The following BOP1 variants were observed in gnomAD, a reference collection of about 807,000 sequenced individuals.
The protein encoded by BOP1 is BOP1 ribosomal biogenesis factor.
BOP1 carries 54 observed loss-of-function variants against 82.9 expected under a neutral mutation model. That is an observed-to-expected ratio of 0.65 (90% CI 0.52 to 0.82). The LOEUF (loss-of-function observed/expected upper bound fraction) is 0.82. Ranked by LOEUF, BOP1 falls within the 40% of genes least tolerant of loss-of-function variation. BOP1 has a pLI of 0.00. For missense variants in BOP1, 1,170 were observed against 1,072.0 expected (o/e 1.09, Z -1.28); for synonymous variants, 566 against 451.1 (o/e 1.25, Z -3.23).
chr8:144,264,234 G>T lies in BOP1; in HGVS notation c.969C>A (p.Ser323Arg). The change falls in exon 7 of 16, where the codon AGC (serine) becomes AGA (arginine). Residue 323 changes from serine to arginine, a missense_variant. Coordinates refer to ENST00000569669, the MANE Select transcript of BOP1 (RefSeq NM_015201.5). ...CAGGATGCAGGCCCACCTCCTCCTC[G>T]CTGAGCAGGTATTCAGGGGGTGGGT... ...SYNPPPEYLLSEEERLAWEQQ... is the reference protein window; with the variant it reads ...SYNPPPEYLLREEERLAWEQQ... 1 of 1,608,414 alleles carries T rather than the reference G, an allele frequency of 6.2e-7. No homozygotes were observed.
Position 144,265,084 on chromosome 8 carries a change from G to T in BOP1, c.391-13C>A. On this transcript the variant is annotated splice_polypyrimidine_tract_variant and intron_variant, in intron 3 of 15. Transcript: ENST00000569669. ...TGTTCCGGATGTCCTGCAGCCGGGG[G>T]CCACCATGTCGGCATCTGATCCTAC... is the stretch of plus-strand genomic sequence containing the variant. 6.2e-7 allele frequency: 1 copy of T among 1,604,852 alleles called. No individual in the cohort carries two copies. The highest frequency in any genetic ancestry group is 1.1e-5 in the South Asian group (1 of 90,114).
At chr8:144,269,516 A>G (rs965789308) in intron 3 of BOP1, among the ~76,000 whole-genome samples, 1 of 152,200 alleles carries the variant, frequency 6.6e-6, no homozygotes, top group African/African-American at 2.4e-5. Context: ...GCAGTGGTGT[A>G]ATTTTGGAGG....
intron 3 of BOP1, chr8:144,266,490 T>C: frequency 1.0e-6 from 1 of 986,204 alleles, no homozygotes; most frequent in Non-Finnish European, 1.2e-6. Flanking sequence ...GCCCGGCAGC[T>C]GCCACCGCGG....
chr8:144,269,982 C>A (rs1414873871), intron 3 of BOP1, among the ~76,000 whole-genome samples: 4 of 152,158 alleles, frequency 2.6e-5, no homozygotes, highest in Admixed American at 2.0e-4. Context: ...TAGGGAGGGT[C>A]CATAGCCCAC....
intron 2 of BOP1, among the ~76,000 whole-genome samples, chr8:144,283,990 G>A (rs373932966): frequency 1.1e-4 from 17 of 152,298 alleles, no homozygotes; most frequent in Admixed American, 2.0e-4. Flanking sequence ...GATGACGGGC[G>A]CCTGTAATCC....
At chr8:144,268,531 C>G (rs938790504) in intron 3 of BOP1, 203 of 287,664 alleles carry the variant, frequency 7.1e-4, no homozygotes, top group South Asian at 2.2e-3. Flanking sequence ...CCCCCAGCCC[C>G]CAGCCTGAGC....
At chr8:144,279,940 G>T (rs1845642708) in intron 2 of BOP1, among the ~76,000 whole-genome samples, 1 of 152,182 alleles carries the variant, frequency 6.6e-6, no homozygotes. Flanking sequence ...CCAAGTCCCA[G>T]AGCACAGGAT....
Position 144,264,059 on chromosome 8 carries a change from A to G in BOP1, c.1062T>C (p.Pro354=), listed in dbSNP as rs1276028523. 1 of 1,610,320 alleles carries G rather than the reference A, an allele frequency of 6.2e-7. No individual in the cohort carries two copies. The highest frequency in any genetic ancestry group is 2.2e-5 in the East Asian group (1 of 44,882). ...GTTCCTGGATGAAGCGTCCGTAGGCAGGCACGGCCCGCAGGCTCGGGAACT... is the reference window on the plus strand; with the variant it reads ...GTTCCTGGATGAAGCGTCCGTAGGCGGGCACGGCCCGCAGGCTCGGGAACT... ...PRKFPSLRAV[P]AYGRFIQERF... The change falls in exon 8 of 16, where the codon CCT becomes CCC. Residue 354 remains proline (P), a synonymous_variant. Transcript: ENST00000569669.
chr8:144,262,759 G>A (rs1554836590), intron 13 of BOP1, 87 bp from the exon 14 acceptor site: 2 of 1,457,932 alleles, frequency 1.4e-6, no homozygotes, highest in South Asian at 1.2e-5. Context: ...CTCACCTGCA[G>A]GGTGCACTGC....
chr8:144,276,314 G>A lies in BOP1; in HGVS notation c.310-10C>T, dbSNP rs1194929852. 1.2e-5 allele frequency: 19 copies of A among 1,612,432 alleles called. No individual in the cohort carries two copies. Among genetic ancestry groups the A allele is most frequent in the South Asian group, 4.4e-5 (4 of 91,082 alleles). On this transcript the variant is annotated splice_polypyrimidine_tract_variant and intron_variant, in intron 2 of 15. Transcript: ENST00000569669. ...GGCAAGGAGTGCTGGCCTGCAGAGA[G>A]AGAGAGAAAATGGTCACTTCAGGGG... is the stretch of plus-strand genomic sequence containing the variant.
intron 3 of BOP1, chr8:144,266,045 C>T (rs1203694710): frequency 1.3e-5 from 2 of 152,382 alleles, no homozygotes; most frequent in Non-Finnish European, 2.9e-5. Context: ...CTGTGCCCGC[C>T]CCCTGCACAC....
In BOP1 at chr8:144,289,297, AG is replaced by A. The variant is rs782133829; in HGVS notation, c.106del (p.Leu36SerfsTer154). On this transcript the variant is annotated frameshift_variant, in exon 2 of 16. Coordinates refer to ENST00000569669, the MANE Select transcript of BOP1 (RefSeq NM_015201.5). LOFTEE classifies it high-confidence loss of function. The stretch of plus-strand genomic sequence containing the variant: ...GTGGCTGAGAGGAGAGGTGCAGAGG[AG>A]GGGGGGCTGCAAGGAAACACTGGGT... The part of the protein sequence containing the change: ...LEPEPEPEPP[L>X]LCTSPLSHST... 5.0e-6 allele frequency: 8 copies of A among 1,613,686 alleles called. No homozygotes were observed. Among genetic ancestry groups the A allele is most frequent in the South Asian group, 1.1e-5 (1 of 91,054 alleles).
chr8:144,263,722 C>G lies in BOP1; in HGVS notation c.1261G>C (p.Val421Leu). ...ACCAGCCACTGGCCCCCAGGAGAGA[C>G]ACTGAGGCACCGGACAAGGTCACTG... ...GHSDLVRCLS[V>L]SPGGQWLVSG... Residue 421 changes from valine to leucine, a missense_variant, in exon 10 of 16, where the codon GTC becomes CTC. Coordinates refer to ENST00000569669, the MANE Select transcript of BOP1 (RefSeq NM_015201.5). 12 of 1,575,062 alleles carry G rather than the reference C, an allele frequency of 7.6e-6. No individual in the cohort carries two copies. The highest frequency in any genetic ancestry group is 1.0e-5 in the Non-Finnish European group (12 of 1,161,538).
In BOP1 at chr8:144,289,137, C is replaced by T. The variant is rs1453470160; in HGVS notation, c.267G>A (p.Glu89=). ...TGGTCTTTTTAATCCCACTGTGGCC[C>T]TCGTCATCAAGGGCTCCGTCCTCTC... ...EEGEDGALDD[E]GHSGIKKTTE... Residue 89 remains glutamate (E), a synonymous_variant, in exon 2 of 16, where the codon GAG becomes GAA. Transcript: ENST00000569669. 5.6e-6 allele frequency: 9 copies of T among 1,614,080 alleles called. No individual in the cohort carries two copies. Among genetic ancestry groups the T allele is most frequent in the Non-Finnish European group, 5.9e-6 (7 of 1,180,054 alleles).
At chr8:144,275,841 T>C (rs1845560437) in intron 3 of BOP1, among the ~76,000 whole-genome samples, 1 of 151,600 alleles carries the variant, frequency 6.6e-6, no homozygotes, top group Non-Finnish European at 1.5e-5. Context: ...GCACCACCCA[T>C]GCCCGTGACC....
intron 2 of BOP1, among the ~76,000 whole-genome samples, chr8:144,279,331 AACC>A (rs1468190621): frequency 7.0e-6 from 1 of 142,348 alleles, no homozygotes; most frequent in African/African-American, 2.7e-5. Context: ...CACAGGCCAC[AACC>A]ACCATGGGCC....
chr8:144,266,436 GCT>G, intron 3 of BOP1: 1 of 921,604 alleles, frequency 1.1e-6, no homozygotes. Flanking sequence ...TAAAGGCGCA[GCT>G]CGGGGCCCCG....
intron 3 of BOP1, among the ~76,000 whole-genome samples, chr8:144,269,255 C>T (rs1004333883): frequency 3.3e-5 from 5 of 152,232 alleles, no homozygotes; most frequent in South Asian, 2.1e-4. Context: ...AGAAGAAGGG[C>T]GGTGCTGTGT....
chr8:144,263,060 TCAGCACCTGGGTGTGGCCTTGGGTGGC>T lies in BOP1; in HGVS notation c.1660_1686del (p.Ala554_Leu562del). The T allele has an allele frequency of 6.3e-7, 1 of 1,586,072 alleles. No individual in the cohort carries two copies. On this transcript the variant is annotated inframe_deletion, in exon 13 of 16. Coordinates refer to ENST00000569669, the MANE Select transcript of BOP1 (RefSeq NM_015201.5). ...CTGCGGCGACGGCTCAGCTGGTGAA[TCAGCACCTGGGTGTGGCCTTGGGTGGC>T]CAGCACCACGGCCAGGTAGTCCCCA...
Sources: gnomAD v4.1 joint callset for allele counts (sites outside exome capture counted in the v4.1 genomes callset) on GRCh38, gnomAD v4.1.1 for gene constraint, MANE v1.5 for transcripts, NCBI Gene and HGNC (gene_info 2026-07-23, HGNC 2026-07-21) for gene names.